Variants in MSRA observed in about 807,000 individuals in gnomAD.
MSRA encodes methionine sulfoxide reductase A.
MSRA carries 54 observed loss-of-function variants against 31.3 expected under a neutral mutation model. That is an observed-to-expected ratio of 1.73 (90% CI 1.39 to 2.17). The LOEUF (loss-of-function observed/expected upper bound fraction) is 2.17. Ranked by LOEUF, MSRA falls within the 30% of genes most tolerant of loss-of-function variation. MSRA has a pLI of 0.00. For missense variants in MSRA, 507 were observed against 300.9 expected (o/e 1.69, Z -5.07); for synonymous variants, 169 against 116.5 (o/e 1.45, Z -2.90).
chr8:10,241,441 A>T (rs1180180122), intron 2 of MSRA, among the ~76,000 whole-genome samples: 1 of 152,174 alleles, frequency 6.6e-6, no homozygotes, highest in Non-Finnish European at 1.5e-5. Flanking sequence ...GTTTGTGATG[A>T]TGTTTAAAAA....
At chr8:10,228,123 T>C (rs1356688874) in intron 2 of MSRA, among the ~76,000 whole-genome samples, 1 of 152,128 alleles carries the variant, frequency 6.6e-6, no homozygotes, top group Non-Finnish European at 1.5e-5. Flanking sequence ...TGGCTGTCTC[T>C]CGTCCACTGA....
At chr8:10,071,478 A>G (rs1275729304) in intron 1 of MSRA, among the ~76,000 whole-genome samples, 2 of 108,078 alleles carry the variant, frequency 1.9e-5, no homozygotes, top group African/African-American at 7.2e-5. Flanking sequence ...TTTTTTTCTT[A>G]AGACTTGTAC....
At chr8:10,223,412 G>C (rs761703234) in intron 2 of MSRA, among the ~76,000 whole-genome samples, 4 of 152,170 alleles carry the variant, frequency 2.6e-5, no homozygotes, top group African/African-American at 9.7e-5. Context: ...ATAATGTATC[G>C]ATGAAGTACA....
Position 10,142,156 on chromosome 8 carries a change from C to G in MSRA, c.143-65677C>G, listed in dbSNP as rs1402994819. 2.6e-5 allele frequency among the ~76,000 whole-genome samples: 4 copies of G among 152,158 alleles called. No individual in the cohort carries two copies. The East Asian group carries it at 7.7e-4, about 29-fold the overall frequency. On this transcript the variant is annotated intron_variant, in intron 1 of 5. Coordinates refer to ENST00000317173, the MANE Select transcript of MSRA (RefSeq NM_012331.5). The stretch of plus-strand genomic sequence containing the variant: ...TGTTTTTAGTAGAGACGGGGTTTCT[C>G]CATGTTGGTCAGGCTGGTCTGCAAC...
chr8:10,230,475 C>G (rs1018044414), intron 2 of MSRA, among the ~76,000 whole-genome samples: 14 of 151,980 alleles, frequency 9.2e-5, no homozygotes, highest in African/African-American at 3.4e-4. Flanking sequence ...CAACAACTGC[C>G]CTCATTTTGT....
chr8:10,408,457 G>A (rs995705534), intron 5 of MSRA, among the ~76,000 whole-genome samples: 3 of 152,200 alleles, frequency 2.0e-5, no homozygotes, highest in Admixed American at 6.5e-5. Context: ...CAGAGGGATC[G>A]CTGGAACCCA....
chr8:10,300,259 CT>C (rs924457893), intron 3 of MSRA, among the ~76,000 whole-genome samples: 8 of 148,930 alleles, frequency 5.4e-5, no homozygotes, highest in African/African-American at 9.8e-5. Context: ...TTTTTTCTTT[CT>C]TTTTTTTTTC....
chr8:10,342,026 T>C (rs1803459379), intron 5 of MSRA, among the ~76,000 whole-genome samples: 1 of 152,190 alleles, frequency 6.6e-6, no homozygotes, highest in Non-Finnish European at 1.5e-5. Flanking sequence ...TGTGAGGTCC[T>C]CATCTAGGAG....
rs371301266 is a variant in MSRA, at chr8:10,419,214, C to T, written c.544-8934C>T. On this transcript the variant is annotated intron_variant, in intron 5 of 5. Coordinates refer to ENST00000317173, the MANE Select transcript of MSRA (RefSeq NM_012331.5). ...ATCATCCCTTGCACCTCTCACGTGTCGCAGGACAGAACACTCGGCATCCTG... is the reference window on the plus strand; with the variant it reads ...ATCATCCCTTGCACCTCTCACGTGTTGCAGGACAGAACACTCGGCATCCTG... Among the ~76,000 whole-genome samples, 37 of 152,280 alleles carry T rather than the reference C, an allele frequency of 2.4e-4. No homozygotes were observed. The South Asian group carries it at 2.9e-3, about 12-fold the overall frequency.
intron 5 of MSRA, among the ~76,000 whole-genome samples, chr8:10,334,820 C>T (rs1441655359): frequency 2.6e-5 from 4 of 152,262 alleles, no homozygotes; most frequent in African/African-American, 4.8e-5. Flanking sequence ...GCCTTACTCC[C>T]TCTGGTGGGA....
intron 5 of MSRA, among the ~76,000 whole-genome samples, chr8:10,321,517 G>A (rs1227780226): frequency 6.6e-6 from 1 of 152,118 alleles, no homozygotes; most frequent in African/African-American, 2.4e-5. Flanking sequence ...GGCTGGTCAT[G>A]GTAGGCAGCC....
chr8:10,194,454 T>G (rs1807800139), intron 1 of MSRA, among the ~76,000 whole-genome samples: 1 of 152,064 alleles, frequency 6.6e-6, no homozygotes, highest in African/African-American at 2.4e-5. Flanking sequence ...TAATCCCAGC[T>G]ACTTGGGAGG....
intron 5 of MSRA, among the ~76,000 whole-genome samples, chr8:10,398,434 C>G (rs930378840): frequency 6.6e-6 from 1 of 152,218 alleles, no homozygotes; most frequent in Non-Finnish European, 1.5e-5. Context: ...TGTTCTGCAG[C>G]CTTCGTTGTG....
At chr8:10,162,017 G>A (rs1256901942) in intron 1 of MSRA, among the ~76,000 whole-genome samples, 1 of 152,176 alleles carries the variant, frequency 6.6e-6, no homozygotes, top group African/African-American at 2.4e-5. Context: ...ACAGGACGCC[G>A]CCCCTCGCTT....
At chr8:10,427,757 C>G (rs999372815) in intron 5 of MSRA, among the ~76,000 whole-genome samples, 1 of 152,174 alleles carries the variant, frequency 6.6e-6, no homozygotes, top group Admixed American at 6.5e-5. Context: ...TCAGGGACAT[C>G]CATTTACCCT....
At chr8:10,330,837 T>C (rs1802653174) in intron 5 of MSRA, among the ~76,000 whole-genome samples, 1 of 152,220 alleles carries the variant, frequency 6.6e-6, no homozygotes, top group Non-Finnish European at 1.5e-5. Flanking sequence ...AAGCCCGTTT[T>C]GTTGCCCCTT....
At chr8:10,097,199 A>G (rs889942758) in intron 1 of MSRA, among the ~76,000 whole-genome samples, 2 of 152,248 alleles carry the variant, frequency 1.3e-5, no homozygotes, top group Admixed American at 1.3e-4. Context: ...ATGAAATCTA[A>G]CAGAGGTGTT....
chr8:10,316,557 TCTCTCTCTCTCTCTCTCCTTCC>T (rs1801733118), intron 4 of MSRA, among the ~76,000 whole-genome samples: 1 of 108,576 alleles, frequency 9.2e-6, no homozygotes, highest in Non-Finnish European at 2.0e-5. Flanking sequence ...TCTCTCTCTC[TCTCTCTCTCTCTCTCTCCTTCC>T]TCCTCCTCTT....
chr8:10,108,153 C>G (rs772428011), intron 1 of MSRA, among the ~76,000 whole-genome samples: 3 of 152,142 alleles, frequency 2.0e-5, no homozygotes, highest in African/African-American at 7.2e-5. Flanking sequence ...CCTTTACACC[C>G]CCGTTCTCAG....
Sources: gnomAD v4.1 joint callset for allele counts (sites outside exome capture counted in the v4.1 genomes callset) on GRCh38, gnomAD v4.1.1 for gene constraint, MANE v1.5 for transcripts, NCBI Gene and HGNC (gene_info 2026-07-23, HGNC 2026-07-21) for gene names.